Variants in SGCZ observed in about 807,000 individuals in gnomAD.
SGCZ encodes the protein zeta-sarcoglycan.
Under a neutral mutation model 41.3 loss-of-function variants are expected in SGCZ, and 40 were observed. The observed-to-expected ratio is 0.97, with a 90% CI of 0.75 to 1.26. The LOEUF (loss-of-function observed/expected upper bound fraction) is 1.26, where lower values mean the gene tolerates loss of function less well. Among genes scored for constraint, SGCZ ranks in the 50% most tolerant of loss-of-function variants. The pLI is 0.00. For missense variants in SGCZ, 552 were observed against 369.8 expected (o/e 1.49, Z -4.04); for synonymous variants, 206 against 137.5 (o/e 1.50, Z -3.49).
chr8:14,380,798 G>T (rs1325718169), intron 2 of SGCZ, among the ~76,000 whole-genome samples: 2 of 152,156 alleles, frequency 1.3e-5, no homozygotes, highest in Non-Finnish European at 2.9e-5. Flanking sequence ...GGCGGAGCTT[G>T]CAGTGAGTTG....
intron 3 of SGCZ, among the ~76,000 whole-genome samples, chr8:14,321,091 TATC>T (rs1801902009): frequency 6.6e-6 from 1 of 152,098 alleles, no homozygotes; most frequent in South Asian, 2.1e-4. Context: ...TGCAGAATGT[TATC>T]ATCATTACCA....
At chr8:14,652,357 T>G (rs201901037) in intron 1 of SGCZ, among the ~76,000 whole-genome samples, 1,277 of 59,512 alleles carry the variant, frequency 0.021, 4 homozygotes, top group African/African-American at 0.046. Context: ...GGGGGGGGTG[T>G]GGGGGGGAGA....
chr8:14,847,785 T>C (rs1194857349), intron 1 of SGCZ, among the ~76,000 whole-genome samples: 1 of 93,564 alleles, frequency 1.1e-5, no homozygotes, highest in Non-Finnish European at 2.2e-5. Flanking sequence ...TCATAGTTAA[T>C]GGTAAAAAAA....
At chr8:14,558,613 A>AGAGAG (rs59852253) in intron 1 of SGCZ, among the ~76,000 whole-genome samples, 16 of 148,622 alleles carry the variant, frequency 1.1e-4, no homozygotes, top group South Asian at 2.1e-4. Flanking sequence ...AGAGAGAGAG[A>AGAGAG]ATCTTCCATA....
At chr8:14,240,787 A>G (rs959420196) in intron 3 of SGCZ, among the ~76,000 whole-genome samples, 5 of 152,334 alleles carry the variant, frequency 3.3e-5, no homozygotes, top group African/African-American at 4.8e-5. Context: ...TATCAATACC[A>G]TATCTTTGTG....
chr8:14,213,174 A>C (rs748507308), intron 4 of SGCZ, among the ~76,000 whole-genome samples: 43 of 151,924 alleles, frequency 2.8e-4, no homozygotes, highest in South Asian at 8.3e-4. Context: ...AATCTTTCCA[A>C]CTTGTGGTAA....
intron 4 of SGCZ, among the ~76,000 whole-genome samples, chr8:14,209,663 A>G (rs1485241733): frequency 6.6e-6 from 1 of 152,220 alleles, no homozygotes; most frequent in Non-Finnish European, 1.5e-5. Context: ...TCAATATAAT[A>G]TCCTTTTTAT....
Position 15,184,312 on chromosome 8 carries a change from T to C in SGCZ, c.39+53273A>G, listed in dbSNP as rs920718150. 1.6e-4 allele frequency among the ~76,000 whole-genome samples: 24 copies of C among 152,170 alleles called. 1 individual carries two copies. The highest frequency in any genetic ancestry group is 5.3e-4 in the African/African-American group (22 of 41,444). On this transcript the variant is annotated intron_variant, in intron 1 of 7. Coordinates refer to ENST00000382080, the MANE Select transcript of SGCZ (RefSeq NM_139167.4). ...TTAAAACAAACACGGTGCATGTTAG[T>C]TGTAGTTAGGACACGAACATGCAAG... is the stretch of plus-strand genomic sequence containing the variant.
chr8:14,108,258 A>T (rs1001320440), intron 5 of SGCZ, 23 bp from the exon 6 acceptor site: 1 of 1,608,728 alleles, frequency 6.2e-7, no homozygotes, highest in Non-Finnish European at 8.5e-7. Context: ...TGAATATAGC[A>T]GTCAGTATAA....
At chr8:15,224,779 T>C (rs541264242) in intron 1 of SGCZ, among the ~76,000 whole-genome samples, 5 of 152,188 alleles carry the variant, frequency 3.3e-5, no homozygotes, top group Non-Finnish European at 7.4e-5. Context: ...TGGATAATGC[T>C]ATAGTGATAT....
intron 1 of SGCZ, among the ~76,000 whole-genome samples, chr8:14,665,160 C>A (rs1443635820): frequency 1.3e-5 from 2 of 152,238 alleles, no homozygotes; most frequent in South Asian, 2.1e-4. Flanking sequence ...TATCCCTCCC[C>A]CCTCTCCCCA....
chr8:14,371,001 C>T (rs1447112765), intron 2 of SGCZ, among the ~76,000 whole-genome samples: 1 of 151,874 alleles, frequency 6.6e-6, no homozygotes, highest in African/African-American at 2.4e-5. Context: ...ATGAAACACA[C>T]AAATGAATAA....
chr8:14,301,044 C>G (rs1347926288), intron 3 of SGCZ, among the ~76,000 whole-genome samples: 1 of 144,782 alleles, frequency 6.9e-6, no homozygotes, highest in Non-Finnish European at 1.5e-5. Context: ...TGAGAATTGA[C>G]TTAGAAACAC....
intron 1 of SGCZ, among the ~76,000 whole-genome samples, chr8:14,931,347 G>C (rs1233721845): frequency 6.6e-6 from 1 of 151,892 alleles, no homozygotes; most frequent in Non-Finnish European, 1.5e-5. Context: ...ATCTATTCTT[G>C]AGTTCCTACT....
In SGCZ at chr8:14,492,550, A is replaced by G. The variant is rs1395451763; in HGVS notation, c.234+62182T>C. Among the ~76,000 whole-genome samples, 3 of 152,304 alleles carry G rather than the reference A, an allele frequency of 2.0e-5. No homozygotes were observed. The East Asian group carries it at 5.8e-4, about 29-fold the overall frequency. ...AATTATTTACTCCTCAAATAGCACA[A>G]GATTTACGAAGAAAAGTGAAAGCTT... On this transcript the variant is annotated intron_variant, in intron 2 of 7. Coordinates refer to ENST00000382080, the MANE Select transcript of SGCZ (RefSeq NM_139167.4).
intron 1 of SGCZ, among the ~76,000 whole-genome samples, chr8:14,614,067 C>T: frequency 6.6e-6 from 1 of 152,164 alleles, no homozygotes; most frequent in East Asian, 1.9e-4. Flanking sequence ...TGAAAGCATA[C>T]TGTGAGTTAA....
intron 2 of SGCZ, among the ~76,000 whole-genome samples, chr8:14,482,215 G>T (rs1023530751): frequency 2.0e-5 from 3 of 152,254 alleles, no homozygotes; most frequent in East Asian, 1.9e-4. Context: ...AGTGTCCAGG[G>T]TAACCACCTT....
chr8:14,953,599 C>A (rs914349281), intron 1 of SGCZ, among the ~76,000 whole-genome samples: 2 of 152,122 alleles, frequency 1.3e-5, no homozygotes, highest in Non-Finnish European at 2.9e-5. Flanking sequence ...GTTAAGGACC[C>A]CAGCTCTGAA....
intron 1 of SGCZ, among the ~76,000 whole-genome samples, chr8:14,727,664 C>A (rs984989856): frequency 1.3e-5 from 2 of 151,940 alleles, no homozygotes; most frequent in African/African-American, 4.8e-5. Flanking sequence ...GCGCCCTCCA[C>A]CACGCCCGGC....
Sources: allele counts gnomAD v4.1 joint callset (sites outside exome capture counted in the v4.1 genomes callset), GRCh38; gene constraint gnomAD v4.1.1; transcripts MANE v1.5; gene names NCBI Gene and HGNC (gene_info 2026-07-23, HGNC 2026-07-21).